The following BUB1 variants were observed in gnomAD, a reference collection of about 807,000 sequenced individuals.
BUB1 encodes mitotic checkpoint serine/threonine-protein kinase BUB1.
A neutral mutation model predicts 135.2 loss-of-function variants in BUB1; 84 were observed. That is an observed-to-expected ratio of 0.62 (90% CI 0.52 to 0.74). The LOEUF is 0.74. Among genes scored for constraint, BUB1 ranks in the 30% least tolerant of loss-of-function variants. The pLI, the probability that BUB1 is intolerant of heterozygous loss-of-function variation, is 0.00. For missense variants in BUB1, 1,162 were observed against 1,288.3 expected (o/e 0.90, Z 1.50); for synonymous variants, 403 against 434.4 (o/e 0.93, Z 0.90).
At chr2:110,647,254 T>C (rs565114698) in intron 19 of BUB1, among the ~76,000 whole-genome samples, 2 of 152,136 alleles carry the variant, frequency 1.3e-5, no homozygotes, top group South Asian at 2.1e-4. Context: ...AAAGGAAAAC[T>C]ATAGACCAGT....
rs190431010 is a variant in BUB1, at chr2:110,654,532, G to A, written c.1877-1009C>T. On this transcript the variant is annotated intron_variant, in intron 16 of 24. Coordinates refer to ENST00000302759, the MANE Select transcript of BUB1 (RefSeq NM_004336.5). The stretch of plus-strand genomic sequence containing the variant: ...ACTAGAACATTAGTTTTTGTTTATC[G>A]AGCCAAAGTGCCAAATACTCTTAAG... 3.2e-4 allele frequency among the ~76,000 whole-genome samples: 49 copies of A among 151,846 alleles called. 2 individuals carry two copies. The East Asian group carries it at 6.4e-3, about 20-fold the overall frequency.
chr2:110,669,370 G>A (rs1690354711), intron 6 of BUB1, 83 bp downstream of exon 6: 3 of 943,094 alleles, frequency 3.2e-6, no homozygotes, highest in Non-Finnish European at 5.2e-6. Flanking sequence ...GAAATGAGAT[G>A]TCAAAGTGGA....
chr2:110,658,324 AG>A (rs1445944116), intron 13 of BUB1, 85 bp downstream of exon 13: 16 of 1,084,682 alleles, frequency 1.5e-5, no homozygotes, highest in Non-Finnish European at 1.9e-5. Context: ...AATCAAGGGC[AG>A]GGTCACCTCT....
intron 20 of BUB1, 89 bp downstream of exon 20, chr2:110,642,030 C>T (rs1312739832): frequency 1.9e-6 from 2 of 1,052,798 alleles, no homozygotes; most frequent in African/African-American, 3.3e-5. Context: ...AATAAAAACA[C>T]CACTATCTTA....
In BUB1 at chr2:110,638,020, C is replaced by T. The variant is rs763226529; in HGVS notation, c.3202G>A (p.Ala1068Thr). ...AGTACAATTAGCCTATTACGTAGGGCCCTAATCTTGTTAGTATAGTGTTGT... is the reference window on the plus strand; with the variant it reads ...AGTACAATTAGCCTATTACGTAGGGTCCTAATCTTGTTAGTATAGTGTTGT... ...FQQHYTNKIR[A>T]LRNRLIVLLL... The change falls in exon 25 of 25, where the codon GCC (alanine) becomes ACC (threonine). Residue 1068 changes from alanine to threonine, a missense_variant. By Grantham distance (58) the Ala-to-Thr change is moderately conservative. Coordinates refer to ENST00000302759, the MANE Select transcript of BUB1 (RefSeq NM_004336.5). 3 of 1,604,786 alleles carry T rather than the reference C, an allele frequency of 1.9e-6. No individual in the cohort carries two copies. The highest frequency in any genetic ancestry group is 2.6e-6 in the Non-Finnish European group (3 of 1,176,094).
intron 9 of BUB1, 142 bp downstream of exon 9, chr2:110,666,121 A>G (rs937183804): frequency 1.2e-6 from 1 of 802,020 alleles, no homozygotes; most frequent in African/African-American, 1.8e-5. Flanking sequence ...GTGAACGTCT[A>G]TGTCAAATTA....
At chr2:110,647,863 C>A (rs1488679238) in intron 19 of BUB1, among the ~76,000 whole-genome samples, 4 of 152,146 alleles carry the variant, frequency 2.6e-5, no homozygotes, top group African/African-American at 4.8e-5. Context: ...TCACTGTTCA[C>A]GTATCAGAAT....
At chr2:110,649,524 G>T in intron 18 of BUB1, 147 bp from the exon 19 acceptor site, 1 of 806,800 alleles carries the variant, frequency 1.2e-6, no homozygotes, top group Admixed American at 3.6e-5. Context: ...AAATAAAAAA[G>T]AACTATTTTT....
rs890464551 is a variant in BUB1 at position 110,647,256 on chromosome 2, T to C, written c.2347+1978A>G. ...AAGATATTACAAGAAAGGAAAACTA[T>C]AGACCAGTACCTCTCATGAACACGG... On this transcript the variant is annotated intron_variant, in intron 19 of 24. Transcript: ENST00000302759. Among the ~76,000 whole-genome samples the C allele has an allele frequency of 8.5e-5, 13 of 152,130 alleles. 1 individual carries two copies. Among genetic ancestry groups the C allele is most frequent in the African/African-American group, 2.7e-4 (11 of 41,446 alleles).
intron 1 of BUB1, 38 bp downstream of exon 1, chr2:110,677,932 C>T: frequency 1.3e-6 from 2 of 1,596,790 alleles, no homozygotes; most frequent in Non-Finnish European, 1.7e-6. Flanking sequence ...GGCGCCCCAG[C>T]CCCCTGGGCT....
chr2:110,662,602 C>G (rs1690128386), intron 9 of BUB1, among the ~76,000 whole-genome samples: 2 of 152,242 alleles, frequency 1.3e-5, no homozygotes, highest in Admixed American at 1.3e-4. Context: ...GAGTTTGAGA[C>G]CAGGCTAGGC....
Position 110,665,549 on chromosome 2 carries a change from A to T in BUB1, c.957+714T>A, listed in dbSNP as rs537472692. On this transcript the variant is annotated intron_variant, in intron 9 of 24. Transcript: ENST00000302759. ...CAGAGCAAGACCCCGTCTAAAAATT[A>T]AAAAAAAAAGAAAAAGAATGTTTGT... Among the ~76,000 whole-genome samples, 4 of 148,870 alleles carry T rather than the reference A, an allele frequency of 2.7e-5. No homozygotes were observed. In the Admixed American group the frequency reaches 2.7e-4, roughly 10 times the overall value.
rs1470327132 is a variant in BUB1, at chr2:110,661,796, G to C, written c.1003C>G (p.Leu335Val). The change falls in exon 10 of 25, where the codon CTG becomes GTG. Residue 335 changes from leucine (L) to valine (V), a missense_variant. Leu to Val is a conservative substitution (Grantham distance 32). Transcript: ENST00000302759. ...GTTACTGGAAGACATGGCGCTCTCA[G>C]TTCCTGCTGGGAGCCTACACTTGGC... ...MGPSVGSQQE[L>V]RAPCLPVTYQ... 1.2e-6 allele frequency: 2 copies of C among 1,614,178 alleles called. No individual in the cohort carries two copies. The highest frequency in any genetic ancestry group is 1.7e-6 in the Non-Finnish European group (2 of 1,180,030).
intron 8 of BUB1, among the ~76,000 whole-genome samples, chr2:110,667,021 A>C (rs1690277179): frequency 6.6e-6 from 1 of 152,252 alleles, no homozygotes; most frequent in Non-Finnish European, 1.5e-5. Flanking sequence ...CGAGTATGAA[A>C]AGTAATGAAC....
At chr2:110,674,452 G>A (rs1312195537) in intron 1 of BUB1, 87 bp from the exon 2 acceptor site, 1 of 1,253,534 alleles carries the variant, frequency 8.0e-7, no homozygotes, top group African/African-American at 1.5e-5. Flanking sequence ...TACCATTTAT[G>A]TGCATTAAAA....
At chr2:110,646,352 AAGGGG>A (rs968203851) in intron 19 of BUB1, among the ~76,000 whole-genome samples, 2 of 126,314 alleles carry the variant, frequency 1.6e-5, no homozygotes, top group Admixed American at 8.4e-5. Flanking sequence ...GAAAGAAAAG[AAGGGG>A]AGGGGAGGGG....
At chr2:110,668,376 C>T (rs572313868) in intron 6 of BUB1, among the ~76,000 whole-genome samples, 12 of 152,250 alleles carry the variant, frequency 7.9e-5, no homozygotes, top group South Asian at 2.1e-4. Flanking sequence ...TTAGACAGGA[C>T]AATAGGTGGT....
At chr2:110,661,077 C>G (rs1001796134) in intron 10 of BUB1, 1 of 152,364 alleles carries the variant, frequency 6.6e-6, no homozygotes, top group Admixed American at 6.5e-5. Context: ...ATGACATTAA[C>G]TATAATTTCT....
At chr2:110,639,490 T>G (rs1399303646) in intron 24 of BUB1, among the ~76,000 whole-genome samples, 1 of 151,918 alleles carries the variant, frequency 6.6e-6, no homozygotes, top group South Asian at 2.1e-4. Flanking sequence ...CATTTGCGTG[T>G]GTACAGGATG....
Sources: gnomAD v4.1 joint callset for allele counts (sites outside exome capture counted in the v4.1 genomes callset) on GRCh38, gnomAD v4.1.1 for gene constraint, MANE v1.5 for transcripts, NCBI Gene and HGNC (gene_info 2026-07-23, HGNC 2026-07-21) for gene names.